Variants in TENM3 observed in about 807,000 individuals in gnomAD.
TENM3 encodes the protein teneurin-3.
TENM3 carries 63 observed loss-of-function variants against 255.1 expected under a neutral mutation model. The ratio of observed to expected loss-of-function variants is 0.25; its 90% CI spans 0.20 to 0.30. The LOEUF (loss-of-function observed/expected upper bound fraction) is 0.30. TENM3 is among the 10% of genes least tolerant of loss of function. The pLI, the probability that TENM3 is intolerant of heterozygous loss-of-function variation, is 1.00. For synonymous variants in TENM3, 1,306 were observed against 1,322.3 expected, an observed-to-expected ratio of 0.99 and a Z score of 0.27; for missense variants, 2,929 against 3,461.1, an observed-to-expected ratio of 0.85 and a Z score of 3.86.
At chr4:181,794,583 C>CTCCAGGT in the TENM3 span, among the ~76,000 whole-genome samples, 2 of 151,344 alleles carry the variant, frequency 1.3e-5, no homozygotes, top group African/African-American at 4.9e-5. Flanking sequence ...ACATACTGTC[C>CTCCAGGT]TCCAGGTTCA....
the TENM3 span, among the ~76,000 whole-genome samples, chr4:181,583,372 A>G: frequency 3.6e-4 from 55 of 151,778 alleles, no homozygotes; most frequent in Non-Finnish European, 6.3e-4. Context: ...GCTTTTCCAC[A>G]TCATCTCTGC....
At chr4:182,230,989 G>T (rs1756536827) in intron 1 of TENM3, among the ~76,000 whole-genome samples, 1 of 151,246 alleles carries the variant, frequency 6.6e-6, no homozygotes, top group African/African-American at 2.4e-5. Flanking sequence ...AGACCTGAGG[G>T]TCTCTAACAC....
the TENM3 span, among the ~76,000 whole-genome samples, chr4:181,517,151 GA>G: frequency 0.18 from 26,075 of 146,696 alleles, 2,391 homozygotes; most frequent in South Asian, 0.29. Context: ...GGAAATAACT[GA>G]AAAAAAAAAA....
At chr4:181,761,672 A>T in the TENM3 span, among the ~76,000 whole-genome samples, 1 of 152,194 alleles carries the variant, frequency 6.6e-6, no homozygotes, top group African/African-American at 2.4e-5. Context: ...CTTCACAAAG[A>T]TGTTTGAAGA....
chr4:182,173,747 A>T (rs1349938889), intron 1 of TENM3, among the ~76,000 whole-genome samples: 5 of 152,158 alleles, frequency 3.3e-5, no homozygotes, highest in Non-Finnish European at 5.9e-5. Context: ...GGAAATAGAG[A>T]AAAATCACAT....
intron 1 of TENM3, among the ~76,000 whole-genome samples, chr4:182,246,866 C>T (rs948319165): frequency 2.6e-5 from 4 of 152,220 alleles, no homozygotes; most frequent in African/African-American, 7.2e-5. Flanking sequence ...AGATAAGTTC[C>T]GATAATCATC....
At chr4:181,955,485 C>T in the TENM3 span, among the ~76,000 whole-genome samples, 43 of 152,264 alleles carry the variant, frequency 2.8e-4, no homozygotes, top group African/African-American at 1.0e-3. Flanking sequence ...AGTGCAAAGG[C>T]TTACAGTCCT....
chr4:182,710,844 G>A (rs1347822730), intron 12 of TENM3, among the ~76,000 whole-genome samples: 1 of 152,200 alleles, frequency 6.6e-6, no homozygotes, highest in Non-Finnish European at 1.5e-5. Context: ...CTCATTTCCA[G>A]GGGAAAGGCA....
chr4:181,759,724 ATGTGTG>A, the TENM3 span, among the ~76,000 whole-genome samples: 2,466 of 146,614 alleles, frequency 0.017, 64 homozygotes, highest in African/African-American at 0.048. Context: ...CAATCAACAG[ATGTGTG>A]TGTGTGTGTG....
chr4:181,756,725 A>T, the TENM3 span, among the ~76,000 whole-genome samples: 1 of 152,192 alleles, frequency 6.6e-6, no homozygotes, highest in Non-Finnish European at 1.5e-5. Context: ...TTGCAGCCTG[A>T]CTACTGACAT....
the TENM3 span, among the ~76,000 whole-genome samples, chr4:181,831,758 C>G: frequency 2.6e-5 from 4 of 152,132 alleles, no homozygotes; most frequent in East Asian, 7.7e-4. Context: ...AGCAGTATTG[C>G]TTGTGTTGAA....
chr4:182,048,219 T>C, the TENM3 span, among the ~76,000 whole-genome samples: 1 of 152,228 alleles, frequency 6.6e-6, no homozygotes, highest in African/African-American at 2.4e-5. Context: ...TACTAAACTA[T>C]GATAAAATAT....
chr4:182,175,761 T>C (rs946137083), intron 1 of TENM3, among the ~76,000 whole-genome samples: 7 of 152,222 alleles, frequency 4.6e-5, no homozygotes, highest in Non-Finnish European at 8.8e-5. Flanking sequence ...GCTGAACCCC[T>C]AAATTTGAAA....
chr4:181,784,885 A>T, the TENM3 span, among the ~76,000 whole-genome samples: 1 of 152,202 alleles, frequency 6.6e-6, no homozygotes, highest in Non-Finnish European at 1.5e-5. Context: ...GTGAGAGATA[A>T]GTTATTTTAA....
the TENM3 span, among the ~76,000 whole-genome samples, chr4:181,457,653 G>C: frequency 1.3e-5 from 2 of 151,562 alleles, no homozygotes; most frequent in Non-Finnish European, 3.0e-5. Flanking sequence ...AGGAAGACAT[G>C]GTAGATAGTC....
intron 1 of TENM3, among the ~76,000 whole-genome samples, chr4:182,178,124 C>G (rs1242982834): frequency 6.6e-6 from 1 of 151,944 alleles, no homozygotes; most frequent in Non-Finnish European, 1.5e-5. Flanking sequence ...AAATAGAGCA[C>G]CCTATTTAAT....
chr4:181,806,389 G>A, the TENM3 span, among the ~76,000 whole-genome samples: 1 of 152,010 alleles, frequency 6.6e-6, no homozygotes, highest in Admixed American at 6.6e-5. Context: ...CCCCACCCCC[G>A]GCCTAAATAC....
In TENM3 at chr4:182,752,141, T is replaced by C. The variant is rs142975717; in HGVS notation, c.3862+109T>C. The C allele has an allele frequency of 7.7e-4, 521 of 680,910 alleles. 6 individuals are homozygous for C. The African/African-American group carries it at 9.6e-3, about 13-fold the overall frequency. The allele number at this position is 680,910 out of a possible 1,614,324, so 42.2% of individuals were successfully genotyped here. ...TCATGTTTAATGCTGAGTCTAACTTTTTACCTTTGACAGTGTTCTGGAAAG... is the reference window on the plus strand; with the variant it reads ...TCATGTTTAATGCTGAGTCTAACTTCTTACCTTTGACAGTGTTCTGGAAAG... On this transcript the variant is annotated intron_variant, in intron 20 of 27. Coordinates refer to ENST00000511685, the MANE Select transcript of TENM3 (RefSeq NM_001080477.4).
chr4:182,253,452 G>A (rs756129226), intron 1 of TENM3, among the ~76,000 whole-genome samples: 16 of 152,224 alleles, frequency 1.1e-4, no homozygotes, highest in South Asian at 8.3e-4. Flanking sequence ...CAGCCTGGGC[G>A]ACAAGAGCAA....
Sources: gnomAD v4.1 joint callset for allele counts (sites outside exome capture counted in the v4.1 genomes callset) on GRCh38, gnomAD v4.1.1 for gene constraint, MANE v1.5 for transcripts, NCBI Gene and HGNC (gene_info 2026-07-23, HGNC 2026-07-21) for gene names.